FBXO44: variants seen among roughly 807,000 people sequenced by gnomAD.
FBXO44 encodes F-box only protein 44.
Under a neutral mutation model 33.5 loss-of-function variants are expected in FBXO44, and 25 were observed. That is an observed-to-expected ratio of 0.75 (90% confidence interval 0.54 to 1.04). FBXO44 has a LOEUF of 1.04. FBXO44 is among the 50% of genes least tolerant of loss of function. The pLI, the probability that FBXO44 is intolerant of heterozygous loss-of-function variation, is 0.00. For missense variants in FBXO44, 311 were observed against 344.0 expected (o/e 0.90, Z 0.76); for synonymous variants, 147 against 152.8 (o/e 0.96, Z 0.28).
At chr1:11,658,680 AC>A (rs1557661976) in intron 4 of FBXO44, 52 bp downstream of exon 4, 4 of 1,214,288 alleles carry the variant, frequency 3.3e-6, no homozygotes, top group African/African-American at 3.0e-5. Flanking sequence ...CAGGCGCCCC[AC>A]CCCCGCCCTG....
rs377017011 is a variant in FBXO44 at position 11,658,773 on chromosome 1, C to T, written c.526C>T (p.Leu176=). Reference sequence around the variant, plus strand: ...GCCAGATTGCGGGTCCAAGTACCAGCTGTGCGTTCAGCTCCTGTCGTCCGC... The same window carrying T: ...GCCAGATTGCGGGTCCAAGTACCAGTTGTGCGTTCAGCTCCTGTCGTCCGC... ...ARPDCGSKYQ[L]CVQLLSSAHA... The change falls in exon 5 of 6, where the codon CTG becomes TTG. Residue 176 remains leucine, a synonymous_variant. Transcript: ENST00000251547. The T allele has an allele frequency of 2.5e-6, 4 of 1,613,904 alleles. No individual in the cohort carries two copies. In the African/African-American group the frequency reaches 5.3e-5, roughly 22 times the overall value.
upstream of FBXO44, chr1:11,654,573 C>T (rs945066181): frequency 7.9e-6 from 3 of 380,504 alleles, no homozygotes; most frequent in East Asian, 1.2e-4. Flanking sequence ...ACCGAGGAGG[C>T]TGGGAAAGGT....
At chr1:11,657,793 AAAC>A (rs1247201410) in intron 2 of FBXO44, among the ~76,000 whole-genome samples, 1 of 152,160 alleles carries the variant, frequency 6.6e-6, no homozygotes, top group Non-Finnish European at 1.5e-5. Context: ...ATAGGAAAAG[AAAC>A]AACAACAAAA....
chr1:11,654,412 C>T, upstream of FBXO44: 1 of 1,312,364 alleles, frequency 7.6e-7, no homozygotes, highest in Non-Finnish European at 9.7e-7. Flanking sequence ...GCGGCGAGTC[C>T]CGGCGCTGTC....
chr1:11,659,385 AAAAG>A (rs1640039675), intron 5 of FBXO44, among the ~76,000 whole-genome samples: 4 of 152,224 alleles, frequency 2.6e-5, no homozygotes, highest in African/African-American at 9.6e-5. Context: ...TCTCAACAAA[AAAAG>A]AAAAGAAAAG....
At chr1:11,655,668 A>G in intron 1 of FBXO44, 138 bp from the exon 2 acceptor site, 4 of 804,188 alleles carry the variant, frequency 5.0e-6, no homozygotes, top group Non-Finnish European at 7.7e-6. Context: ...ATGTGTCCCA[A>G]GCTCCTTGGA....
At chr1:11,660,312 C>G (rs1015100710) in intron 5 of FBXO44, among the ~76,000 whole-genome samples, 1 of 152,208 alleles carries the variant, frequency 6.6e-6, no homozygotes, top group Non-Finnish European at 1.5e-5. Flanking sequence ...CAGGCATGCG[C>G]CACCACGCCA....
At chr1:11,659,369 A>C (rs1333715704) in intron 5 of FBXO44, among the ~76,000 whole-genome samples, 8 of 151,710 alleles carry the variant, frequency 5.3e-5, no homozygotes, top group Non-Finnish European at 8.8e-5. Flanking sequence ...CAAGAGCGAA[A>C]CTCCATCTCA....
intron 2 of FBXO44, 37 bp downstream of exon 2, chr1:11,656,137 ACAGTCATGACAC>A (rs1477547128): frequency 4.4e-6 from 7 of 1,602,432 alleles, no homozygotes; most frequent in Non-Finnish European, 6.0e-6. Flanking sequence ...CCTCCAGTAC[ACAGTCATGACAC>A]CAGGAACATG....
chr1:11,657,243 T>C (rs12139487), intron 2 of FBXO44, among the ~76,000 whole-genome samples: 26,045 of 152,238 alleles, frequency 0.17, 2,575 homozygotes, highest in Admixed American at 0.26. Context: ...ACAATAGAGA[T>C]AGTTTATGGC....
chr1:11,658,609 G>A lies in FBXO44; in HGVS notation c.469G>A (p.Asp157Asn), dbSNP rs1176169485. The change falls in exon 4 of 6, where the codon GAC becomes AAC. Residue 157 changes from aspartate to asparagine, a missense_variant. Asp to Asn is a conservative substitution (Grantham distance 23, BLOSUM62 1). Transcript: ENST00000251547. ...WEELMDTTRP[D>N]IEVKDWFAAR... Reference sequence around the variant, plus strand: ...GGAGCTGATGGATACCACACGGCCGGACATCGAGGTCAAGGACTGGTGAGT... The same window carrying A: ...GGAGCTGATGGATACCACACGGCCGAACATCGAGGTCAAGGACTGGTGAGT... 1 of 1,613,444 alleles carries A rather than the reference G, an allele frequency of 6.2e-7. No homozygotes were observed. Among genetic ancestry groups the A allele is most frequent in the Middle Eastern group, 1.7e-4 (1 of 5,962 alleles).
At chr1:11,660,255 C>T (rs976987231) in intron 5 of FBXO44, among the ~76,000 whole-genome samples, 1 of 152,154 alleles carries the variant, frequency 6.6e-6, no homozygotes, top group East Asian at 1.9e-4. Flanking sequence ...CTCTGCCTCC[C>T]GGTTCAAACG....
In FBXO44 at chr1:11,661,025, C is replaced by G; in HGVS notation, c.625-105C>G. 8.1e-7 allele frequency: 1 copy of G among 1,235,454 alleles called. No homozygotes were observed. The highest frequency in any genetic ancestry group is 1.1e-6 in the Non-Finnish European group (1 of 880,392). 76.5% of individuals were successfully genotyped at this position (1,235,454 alleles called of 1,614,324 possible). A position where few individuals can be genotyped will look rare whatever the true frequency, so the allele number is the denominator to read the frequency against. ...TGCAAACTCCTGGGCTCAAACAACC[C>G]TCCCACCTCAGCCTCCCAAAGTACT... is the stretch of plus-strand genomic sequence containing the variant. On this transcript the variant is annotated intron_variant, in intron 5 of 5. Coordinates refer to ENST00000251547, the MANE Select transcript of FBXO44 (RefSeq NM_033182.7). This position sits in a 1 kb window ranked among gnomAD's most constrained non-coding sequence, Gnocchi z 4.4.
rs760709245 is a variant in FBXO44 at position 11,655,809 on chromosome 1, C to G, written c.-27C>G. 1.9e-6 allele frequency: 3 copies of G among 1,610,194 alleles called. No homozygotes were observed. The South Asian group carries it at 3.3e-5, about 18-fold the overall frequency. Reference sequence around the variant, plus strand: ...CTGCAGCATAGCTTTTCAACAGCTACAGGAGGGTGTCCAGAAGCCACAAGC... The same window carrying G: ...CTGCAGCATAGCTTTTCAACAGCTAGAGGAGGGTGTCCAGAAGCCACAAGC... On this transcript the variant is annotated 5_prime_UTR_variant, in exon 2 of 6. Transcript: ENST00000251547.
Position 11,661,048 on chromosome 1 carries a change from A to T in FBXO44, c.625-82A>T. On this transcript the variant is annotated intron_variant, in intron 5 of 5. Coordinates refer to ENST00000251547, the MANE Select transcript of FBXO44 (RefSeq NM_033182.7). This position sits in a 1 kb window ranked among gnomAD's most constrained non-coding sequence, Gnocchi z 4.4. ...CCCTCCCACCTCAGCCTCCCAAAGT[A>T]CTGGGATTCCCGGTGTGAGCCGCCA... 2.1e-6 allele frequency: 3 copies of T among 1,428,958 alleles called. No individual in the cohort carries two copies. Among genetic ancestry groups the T allele is most frequent in the Non-Finnish European group, 2.9e-6 (3 of 1,041,292 alleles). 88.5% of individuals were successfully genotyped at this position (1,428,958 alleles called of 1,614,324 possible). A position where few individuals can be genotyped will look rare whatever the true frequency, so the allele number is the denominator to read the frequency against.
chr1:11,660,615 A>G (rs1174449999), intron 5 of FBXO44, among the ~76,000 whole-genome samples: 1 of 152,156 alleles, frequency 6.6e-6, no homozygotes, highest in African/African-American at 2.4e-5. Context: ...AGATGAGGAA[A>G]CTGAAGCACA....
chr1:11,656,356 C>T (rs573235731), intron 2 of FBXO44, among the ~76,000 whole-genome samples: 1 of 146,542 alleles, frequency 6.8e-6, no homozygotes, highest in South Asian at 2.2e-4. Flanking sequence ...CACTCTGTCA[C>T]CCAGGCTGGA....
chr1:11,661,543 T>C lies in FBXO44; in HGVS notation c.*270T>C. The C allele has an allele frequency of 2.1e-6, 1 of 473,244 alleles. No individual in the cohort carries two copies. The highest frequency in any genetic ancestry group is 3.2e-5 in the East Asian group (1 of 31,544). 29.3% of individuals were successfully genotyped at this position (473,244 alleles called of 1,614,324 possible). ...GACGGAGCACCTGAGATGTGGGAGG[T>C]GCAGCATGTTCCCCTGGGCCCCTCA... On this transcript the variant is annotated 3_prime_UTR_variant, in exon 6 of 6. Transcript: ENST00000251547. The surrounding 1 kb of genome is among the most constrained non-coding windows in gnomAD (Gnocchi z 4.4).
At position 11,658,323 on chromosome 1, in the gene FBXO44, G is replaced by C; in HGVS notation, c.322G>C (p.Asp108His). 1 of 1,613,202 alleles carries C rather than the reference G, an allele frequency of 6.2e-7. No individual in the cohort carries two copies. The highest frequency in any genetic ancestry group is 8.5e-7 in the Non-Finnish European group (1 of 1,179,750). ...TGGAGGCGATGAGTGGAAGGTGGAG[G>C]ATCTCTCTCGAGACCAGAGGAAGGA... ...VNGGDEWKVE[D>H]LSRDQRKEFP... The change falls in exon 3 of 6, where the codon GAT (aspartate) becomes CAT (histidine). Residue 108 changes from aspartate to histidine, a missense_variant. Transcript: ENST00000251547.
Sources: gnomAD v4.1 joint callset for allele counts (sites outside exome capture counted in the v4.1 genomes callset) on GRCh38, gnomAD v4.1.1 for gene constraint, Gnocchi (gnomAD v3.1) non-coding constraint, MANE v1.5 for transcripts, NCBI Gene and HGNC (gene_info 2026-07-23, HGNC 2026-07-21) for gene names.